Variants in ZFHX4 observed in about 807,000 individuals in gnomAD.
ZFHX4 encodes zinc finger homeobox protein 4.
Under a neutral mutation model 267.6 loss-of-function variants are expected in ZFHX4, and 56 were observed. That is an observed-to-expected ratio of 0.21 (90% CI 0.17 to 0.26). The LOEUF (loss-of-function observed/expected upper bound fraction) is 0.26, where lower values mean the gene tolerates loss of function less well. ZFHX4 is among the 10% of genes least tolerant of loss of function. The probability of loss-of-function intolerance (pLI) is 1.00; values close to 1 mark genes in which losing one functional copy is unlikely to be tolerated. For missense variants in ZFHX4, 4,332 were observed against 4,420.0 expected (o/e 0.98, Z 0.56); for synonymous variants, 1,778 against 1,665.6 (o/e 1.07, Z -1.64).
chr8:76,705,360 C>T lies in ZFHX4; in HGVS notation c.1272C>T (p.Ser424=). Reference sequence around the variant, plus strand: ...TGAACACCCCAATTACCTCTGTCTCCCTCAGCCACTCATCGTCTGAGTCTA... The same window carrying T: ...TGAACACCCCAATTACCTCTGTCTCTCTCAGCCACTCATCGTCTGAGTCTA... ...LVVNTPITSV[S]LSHSSSESSK... The change falls in exon 2 of 11, where the codon TCC becomes TCT. Residue 424 remains serine (S), a synonymous_variant. Transcript: ENST00000651372. 6.2e-7 allele frequency: 1 copy of T among 1,613,956 alleles called. No homozygotes were observed. Among genetic ancestry groups the T allele is most frequent in the South Asian group, 1.1e-5 (1 of 91,070 alleles).
intron 4 of ZFHX4, among the ~76,000 whole-genome samples, chr8:76,799,089 AACTT>A (rs1446343897): frequency 3.3e-5 from 5 of 152,214 alleles, no homozygotes; most frequent in Admixed American, 3.3e-4. Context: ...AAAAGATAAT[AACTT>A]ACGAAGAAGT....
chr8:76,724,223 C>T (rs1274498121), intron 3 of ZFHX4, among the ~76,000 whole-genome samples: 1 of 151,950 alleles, frequency 6.6e-6, no homozygotes, highest in Non-Finnish European at 1.5e-5. Flanking sequence ...GACTAGAAAA[C>T]TTTGAAGGTT....
chr8:76,842,379 G>A (rs1229304367), intron 5 of ZFHX4, among the ~76,000 whole-genome samples: 1 of 152,060 alleles, frequency 6.6e-6, no homozygotes, highest in Non-Finnish European at 1.5e-5. Flanking sequence ...TTTTAAATAT[G>A]TTTCAGCTTA....
chr8:76,812,606 A>C (rs1467327471), intron 4 of ZFHX4, among the ~76,000 whole-genome samples: 1 of 152,220 alleles, frequency 6.6e-6, no homozygotes, highest in Non-Finnish European at 1.5e-5. Flanking sequence ...TGATATTTTT[A>C]CTTTTTATCC....
At chr8:76,684,606 A>G (rs1384308238) in intron 1 of ZFHX4, among the ~76,000 whole-genome samples, 1 of 152,236 alleles carries the variant, frequency 6.6e-6, no homozygotes. Flanking sequence ...CCAAGGAACA[A>G]AGAAAGGTCA....
intron 3 of ZFHX4, among the ~76,000 whole-genome samples, chr8:76,714,860 T>C (rs887136964): frequency 6.6e-6 from 1 of 152,214 alleles, no homozygotes; most frequent in Non-Finnish European, 1.5e-5. Flanking sequence ...CATTTGGTGC[T>C]TAGATGTCGG....
intron 3 of ZFHX4, among the ~76,000 whole-genome samples, chr8:76,714,688 AT>A (rs748122127): frequency 3.3e-5 from 5 of 152,230 alleles, no homozygotes; most frequent in Non-Finnish European, 5.9e-5. Context: ...AGAAGCACTT[AT>A]TGAACACTTA....
chr8:76,703,240 C>A (rs1378229728), intron 1 of ZFHX4, among the ~76,000 whole-genome samples: 1 of 152,054 alleles, frequency 6.6e-6, no homozygotes, highest in East Asian at 1.9e-4. Flanking sequence ...GGCAACTCAC[C>A]AGGATTGGTA....
chr8:76,859,554 T>C (rs945938906), intron 10 of ZFHX4, among the ~76,000 whole-genome samples: 4 of 152,166 alleles, frequency 2.6e-5, no homozygotes, highest in African/African-American at 9.6e-5. Flanking sequence ...TTTCTATTTT[T>C]AACTTATTTA....
intron 1 of ZFHX4, among the ~76,000 whole-genome samples, chr8:76,692,442 T>C (rs1408862984): frequency 1.3e-5 from 2 of 152,096 alleles, no homozygotes; most frequent in African/African-American, 2.4e-5. Context: ...TGACCAAAAT[T>C]TATACCAACC....
At chr8:76,744,400 C>A (rs1384855440) in intron 3 of ZFHX4, among the ~76,000 whole-genome samples, 2 of 151,854 alleles carry the variant, frequency 1.3e-5, no homozygotes, top group Non-Finnish European at 2.9e-5. Context: ...TCAATTTATG[C>A]CATACTTTCT....
chr8:76,808,494 G>A (rs1177937606), intron 4 of ZFHX4, among the ~76,000 whole-genome samples: 1 of 152,134 alleles, frequency 6.6e-6, no homozygotes, highest in Non-Finnish European at 1.5e-5. Context: ...GGCTGATGAC[G>A]CTAACGAATC....
At chr8:76,798,749 G>A (rs372542915) in intron 4 of ZFHX4, among the ~76,000 whole-genome samples, 11 of 152,252 alleles carry the variant, frequency 7.2e-5, no homozygotes, top group South Asian at 6.2e-4. Context: ...TATTGCTAGC[G>A]GAGGTATAAT....
intron 4 of ZFHX4, among the ~76,000 whole-genome samples, chr8:76,812,812 G>T (rs1177002532): frequency 6.6e-6 from 1 of 152,032 alleles, no homozygotes; most frequent in Non-Finnish European, 1.5e-5. Flanking sequence ...AACATATTAT[G>T]TAATTTACAA....
At position 76,855,790 on chromosome 8, in the gene ZFHX4, C is replaced by A; in HGVS notation, c.8869C>A (p.Gln2957Lys). 1 of 1,613,882 alleles carries A rather than the reference C, an allele frequency of 6.2e-7. No individual in the cohort carries two copies. The highest frequency in any genetic ancestry group is 8.5e-7 in the Non-Finnish European group (1 of 1,179,864). ...CFSDYRTPTM[Q>K]ECEMLGNEIG... ...TAGTGACTACCGAACTCCAACCATG[C>A]AAGAATGTGAAATGTTAGGGAATGA... Residue 2957 changes from glutamine to lysine, a missense_variant, in exon 10 of 11, where the codon CAA becomes AAA. By Grantham distance (53) the Gln-to-Lys change is moderately conservative. This residue lies in a region of ZFHX4 where 1,648 missense variants were observed against 1,625.0 expected (regional missense o/e 1.01). Coordinates refer to ENST00000651372, the MANE Select transcript of ZFHX4 (RefSeq NM_024721.5).
At chr8:76,734,917 T>G (rs1369890499) in intron 3 of ZFHX4, among the ~76,000 whole-genome samples, 1 of 152,072 alleles carries the variant, frequency 6.6e-6, no homozygotes, top group Non-Finnish European at 1.5e-5. Context: ...TAGCATAGAT[T>G]TTAACAGTGG....
At chr8:76,772,854 C>T (rs1810299132) in intron 3 of ZFHX4, among the ~76,000 whole-genome samples, 1 of 152,058 alleles carries the variant, frequency 6.6e-6, no homozygotes, top group Admixed American at 6.6e-5. Flanking sequence ...TTCCATCTGC[C>T]TTGACTGCCG....
In ZFHX4 at chr8:76,848,850, T is replaced by G. The variant is rs1812429642; in HGVS notation, c.3512-145T>G. On this transcript the variant is annotated intron_variant, in intron 6 of 10. Coordinates refer to ENST00000651372, the MANE Select transcript of ZFHX4 (RefSeq NM_024721.5). Reference sequence around the variant, plus strand: ...GACAAAAAGAAGTGTTCTTATTGCCTTTTGAGATTAGCATTATTTAAAATG... The same window carrying G: ...GACAAAAAGAAGTGTTCTTATTGCCGTTTGAGATTAGCATTATTTAAAATG... 4.1e-6 allele frequency: 3 copies of G among 723,866 alleles called. No homozygotes were observed. The East Asian group carries it at 9.7e-5, about 23-fold the overall frequency. 44.8% of individuals were successfully genotyped at this position (723,866 alleles called of 1,614,324 possible).
intron 3 of ZFHX4, among the ~76,000 whole-genome samples, chr8:76,740,166 T>G (rs1383792397): frequency 6.6e-6 from 1 of 152,138 alleles, no homozygotes; most frequent in East Asian, 1.9e-4. Context: ...AGGAGAGTCT[T>G]GTGTAAGGTT....
Sources: gnomAD v4.1 joint callset for allele counts (sites outside exome capture counted in the v4.1 genomes callset) on GRCh38, gnomAD v4.1.1 for gene constraint, gnomAD v4.1.1 regional missense constraint, MANE v1.5 for transcripts, NCBI Gene and HGNC (gene_info 2026-07-23, HGNC 2026-07-21) for gene names.